RTF2: variants seen among roughly 807,000 people sequenced by gnomAD.
The protein encoded by RTF2 is replication termination factor 2, also known as UPF0549 protein C20orf43.
Under a neutral mutation model 38.0 loss-of-function variants are expected in RTF2, and 18 were observed. That is an observed-to-expected ratio of 0.47 (90% confidence interval 0.33 to 0.70). The LOEUF (loss-of-function observed/expected upper bound fraction) is 0.70. Ranked by LOEUF, RTF2 falls within the 30% of genes least tolerant of loss-of-function variation. RTF2 has a pLI of 0.02. For synonymous variants in RTF2, 126 were observed against 137.1 expected, an observed-to-expected ratio of 0.92 and a Z score of 0.57; for missense variants, 311 against 379.6, an observed-to-expected ratio of 0.82 and a Z score of 1.50.
chr20:56,481,357 G>C lies in RTF2; in HGVS notation c.399-2754G>C, dbSNP rs370233045. 2.7e-3 allele frequency among the ~76,000 whole-genome samples: 414 copies of C among 152,338 alleles called. 2 individuals carry two copies. Among genetic ancestry groups the C allele is most frequent in the African/African-American group, 9.5e-3 (397 of 41,578 alleles). On this transcript the variant is annotated intron_variant, in intron 4 of 8. Coordinates refer to ENST00000357348, the MANE Select transcript of RTF2 (RefSeq NM_016407.5). ...CCGTGTTGCGTGTGGCAGACTGTGC[G>C]AGGGGAACTAACTGTCCTGTTCTGA...
At chr20:56,480,432 C>T (rs1450024226) in intron 4 of RTF2, among the ~76,000 whole-genome samples, 1 of 152,234 alleles carries the variant, frequency 6.6e-6, no homozygotes, top group Non-Finnish European at 1.5e-5. Flanking sequence ...GATCTTCTGT[C>T]CAGGCCACTA....
chr20:56,496,490 G>T (rs1192357802), intron 5 of RTF2: 2 of 813,526 alleles, frequency 2.5e-6, no homozygotes, highest in Non-Finnish European at 3.6e-6. Flanking sequence ...GGAGCTTGCA[G>T]TGAGCCGAGA....
intron 4 of RTF2, among the ~76,000 whole-genome samples, chr20:56,477,952 T>C (rs75028913): frequency 6.8e-4 from 103 of 152,364 alleles, no homozygotes; most frequent in Admixed American, 3.9e-3. Flanking sequence ...ATGGTTGAGA[T>C]GTGTGTAGCA....
chr20:56,472,678 T>C (rs1280288056), intron 1 of RTF2, among the ~76,000 whole-genome samples: 9 of 152,230 alleles, frequency 5.9e-5, no homozygotes, highest in Non-Finnish European at 1.2e-4. Context: ...ACTTTTTTTT[T>C]TCTCTTTTGT....
rs574953281 is a variant in RTF2, at chr20:56,474,594, T to G, written c.165-84T>G. ...TTCTCTTATCAAATGTAAACGACTT[T>G]TGGATTGTGTTCAGTTTATTCTTCC... is the stretch of plus-strand genomic sequence containing the variant. On this transcript the variant is annotated intron_variant, in intron 2 of 8. Coordinates refer to ENST00000357348, the MANE Select transcript of RTF2 (RefSeq NM_016407.5). The G allele has an allele frequency of 2.5e-5, 20 of 800,608 alleles. No homozygotes were observed. The African/African-American group carries it at 3.1e-4, about 12-fold the overall frequency. 49.6% of individuals were successfully genotyped at this position (800,608 alleles called of 1,614,324 possible).
chr20:56,468,783 G>C lies in RTF2; in HGVS notation c.69+17G>C, dbSNP rs1267029833. 3.8e-6 allele frequency: 6 copies of C among 1,561,792 alleles called. No individual in the cohort carries two copies. In the South Asian group the frequency reaches 5.9e-5, roughly 15 times the overall value. ...GTTGAGAAGGTCAGTGATGTGGGCC[G>C]GCTCTTGGCGACCGGGGGTGGTGGG... On this transcript the variant is annotated intron_variant, in intron 1 of 8. Coordinates refer to ENST00000357348, the MANE Select transcript of RTF2 (RefSeq NM_016407.5).
At chr20:56,489,669 G>A (rs1014793424) in intron 5 of RTF2, among the ~76,000 whole-genome samples, 1 of 152,228 alleles carries the variant, frequency 6.6e-6, no homozygotes, top group Non-Finnish European at 1.5e-5. Context: ...GTGCTGGTGG[G>A]CGGATGCTTT....
rs6127772 is a variant in RTF2 at position 56,501,829 on chromosome 20, A to G, written c.478-11486A>G. Among the ~76,000 whole-genome samples, 187 of 152,234 alleles carry G rather than the reference A, an allele frequency of 1.2e-3. 5 individuals carry two copies. The East Asian group carries it at 0.035, about 28-fold the overall frequency. On this transcript the variant is annotated intron_variant, in intron 5 of 8. Coordinates refer to ENST00000357348, the MANE Select transcript of RTF2 (RefSeq NM_016407.5). ...GCTGTAGTGAGCCGTGATCATGCCCACTGCACTCCAGCCTGGGCAACAGAG... is the reference window on the plus strand; with the variant it reads ...GCTGTAGTGAGCCGTGATCATGCCCGCTGCACTCCAGCCTGGGCAACAGAG...
chr20:56,505,487 CATAATA>C (rs60767194), intron 5 of RTF2, among the ~76,000 whole-genome samples: 119 of 139,648 alleles, frequency 8.5e-4, no homozygotes, highest in Middle Eastern at 7.2e-3. Context: ...GATGCCATCT[CATAATA>C]ATAATAATAA....
chr20:56,483,916 CT>C lies in RTF2; in HGVS notation c.399-187del, dbSNP rs550386169. Among the ~76,000 whole-genome samples the C allele has an allele frequency of 2.0e-4, 30 of 151,956 alleles. No individual in the cohort carries two copies. In the East Asian group the frequency reaches 5.6e-3, roughly 28 times the overall value. On this transcript the variant is annotated intron_variant, in intron 4 of 8. Transcript: ENST00000357348. ...TGATGTTTGTGGTTTCAGTTTTGAT[CT>C]TTTTTTTATTTTGGATATAACTGAT...
At chr20:56,495,747 C>T (rs1031260699) in intron 5 of RTF2, among the ~76,000 whole-genome samples, 1 of 152,184 alleles carries the variant, frequency 6.6e-6, no homozygotes, top group Non-Finnish European at 1.5e-5. Context: ...CTGGACTCAT[C>T]GTACACCACT....
intron 4 of RTF2, 31 bp from the exon 5 acceptor site, chr20:56,484,080 C>T: frequency 1.3e-6 from 2 of 1,591,048 alleles, no homozygotes; most frequent in African/African-American, 1.3e-5. Context: ...GTGATTAATA[C>T]AGTCCTTCCC....
intron 5 of RTF2, among the ~76,000 whole-genome samples, chr20:56,500,137 C>T (rs1480131649): frequency 1.3e-5 from 2 of 152,120 alleles, no homozygotes; most frequent in Admixed American, 6.5e-5. Context: ...TCACTGCAAC[C>T]TCCACCTCCT....
intron 5 of RTF2, chr20:56,491,365 T>G (rs1983112651): frequency 1.7e-6 from 1 of 579,882 alleles, no homozygotes; most frequent in South Asian, 2.1e-5. Flanking sequence ...TGAGTTTTTT[T>G]GTCTTGTGAT....
chr20:56,491,271 G>A (rs1481763726), intron 5 of RTF2, among the ~76,000 whole-genome samples: 1 of 152,172 alleles, frequency 6.6e-6, no homozygotes, highest in Non-Finnish European at 1.5e-5. Flanking sequence ...GGATCCAGGT[G>A]TTTGGAGAAT....
At chr20:56,473,448 T>G (rs1982074235) in intron 2 of RTF2, 53 bp downstream of exon 2, 2 of 1,119,894 alleles carry the variant, frequency 1.8e-6, no homozygotes, top group Admixed American at 2.0e-5. Flanking sequence ...TTTGAGAATT[T>G]TGATGTGTAA....
At chr20:56,484,825 C>T (rs959557763) in intron 5 of RTF2, among the ~76,000 whole-genome samples, 4 of 152,194 alleles carry the variant, frequency 2.6e-5, no homozygotes, top group African/African-American at 9.7e-5. Context: ...CTTGGGTGTA[C>T]TGCTGGCCCA....
chr20:56,473,976 G>C (rs1260078251), intron 2 of RTF2, among the ~76,000 whole-genome samples: 1 of 152,190 alleles, frequency 6.6e-6, no homozygotes, highest in African/African-American at 2.4e-5. Flanking sequence ...GAATACTGGA[G>C]GGTCCATGTG....
At chr20:56,471,377 G>A (rs1981953472) in intron 1 of RTF2, among the ~76,000 whole-genome samples, 1 of 152,114 alleles carries the variant, frequency 6.6e-6, no homozygotes, top group African/African-American at 2.4e-5. Flanking sequence ...GACCATCCTG[G>A]CTAACACAGT....
Sources: gnomAD v4.1 joint callset for allele counts (sites outside exome capture counted in the v4.1 genomes callset) on GRCh38, gnomAD v4.1.1 for gene constraint, MANE v1.5 for transcripts, NCBI Gene and HGNC (gene_info 2026-07-23, HGNC 2026-07-21) for gene names.